KCNQ1: variants seen among roughly 807,000 people sequenced by gnomAD.
KCNQ1 encodes potassium voltage-gated channel subfamily KQT member 1.
A neutral mutation model predicts 72.4 loss-of-function variants in KCNQ1; 49 were observed. The ratio of observed to expected loss-of-function variants is 0.68; its 90% CI spans 0.54 to 0.86. The LOEUF (loss-of-function observed/expected upper bound fraction) is 0.86. Among genes scored for constraint, KCNQ1 ranks in the 40% least tolerant of loss-of-function variants. The pLI, the probability that KCNQ1 is intolerant of heterozygous loss-of-function variation, is 0.00. For missense variants in KCNQ1, 790 were observed against 945.1 expected (o/e 0.84, Z 2.15); for synonymous variants, 450 against 412.6 (o/e 1.09, Z -1.10).
intron 10 of KCNQ1, among the ~76,000 whole-genome samples, chr11:2,605,838 G>C (rs1848870640): frequency 6.6e-6 from 1 of 152,198 alleles, no homozygotes; most frequent in African/African-American, 2.4e-5. Context: ...GGTAAGGATT[G>C]TGTTGAGTTT....
chr11:2,761,516 G>A (rs1162091505), intron 11 of KCNQ1, among the ~76,000 whole-genome samples: 5 of 152,134 alleles, frequency 3.3e-5, no homozygotes, highest in South Asian at 4.1e-4. Flanking sequence ...ACCTGGGTCC[G>A]TGCACATAGG....
intron 2 of KCNQ1, among the ~76,000 whole-genome samples, chr11:2,551,419 G>A (rs1393348024): frequency 6.6e-6 from 1 of 152,186 alleles, no homozygotes; most frequent in Non-Finnish European, 1.5e-5. Flanking sequence ...GCCCATCCGT[G>A]TCATGGTCTC....
intron 11 of KCNQ1, among the ~76,000 whole-genome samples, chr11:2,763,308 A>G (rs972588071): frequency 6.6e-6 from 1 of 152,080 alleles, no homozygotes; most frequent in Admixed American, 6.6e-5. Flanking sequence ...TCACACCTGT[A>G]ATACCAACTA....
chr11:2,785,377 A>G lies in KCNQ1; in HGVS notation c.1794+7340A>G, dbSNP rs1406879476. Among the ~76,000 whole-genome samples, 2 of 151,272 alleles carry G rather than the reference A, an allele frequency of 1.3e-5. No homozygotes were observed. The highest frequency in any genetic ancestry group is 2.4e-5 in the African/African-American group (1 of 41,254). ...TATAATCCTTTTTATATGATGCTGGATTTGGTTTGCTAATATTTTGTTAAG... is the reference window on the plus strand; with the variant it reads ...TATAATCCTTTTTATATGATGCTGGGTTTGGTTTGCTAATATTTTGTTAAG... On this transcript the variant is annotated intron_variant, in intron 15 of 15. Transcript: ENST00000155840. This position sits in a 1 kb window ranked among gnomAD's most constrained non-coding sequence, Gnocchi z 4.4.
At chr11:2,542,735 A>G (rs1231930523) in intron 2 of KCNQ1, among the ~76,000 whole-genome samples, 1 of 152,192 alleles carries the variant, frequency 6.6e-6, no homozygotes, top group African/African-American at 2.4e-5. Context: ...GTCTGGTTCC[A>G]TATTTGAGAG....
Position 2,496,495 on chromosome 11 carries a change from C to CTTTTTTTT in KCNQ1, c.387-31415_387-31408dup. On this transcript the variant is annotated intron_variant, in intron 1 of 15. Transcript: ENST00000155840. The stretch of plus-strand genomic sequence containing the variant: ...AAAATGGCTAGGATCACAACCCCTG[C>CTTTTTTTT]TTTTTTTTTTTTTTTTTTTTTTTTT... 2.1e-3 allele frequency among the ~76,000 whole-genome samples: 63 copies of CTTTTTTTT among 29,828 alleles called. 4 individuals are homozygous for CTTTTTTTT. The highest frequency in any genetic ancestry group is 4.5e-3 in the African/African-American group (42 of 9,274). The allele number at this position is 29,828 out of a possible 152,430, so 19.6% of individuals were successfully genotyped here. A position where few individuals can be genotyped will look rare whatever the true frequency, so the allele number is the denominator to read the frequency against.
chr11:2,501,681 C>T (rs904459140), intron 1 of KCNQ1, among the ~76,000 whole-genome samples: 13 of 132,692 alleles, frequency 9.8e-5, no homozygotes, highest in East Asian at 4.4e-4. Context: ...CTACAAGGCC[C>T]GTATTACCCT....
At chr11:2,632,775 A>G (rs949781835) in intron 10 of KCNQ1, 5 of 398,318 alleles carry the variant, frequency 1.3e-5, no homozygotes, top group Non-Finnish European at 2.2e-5. Flanking sequence ...ATGACTGAAT[A>G]ATATTCCATT....
intron 11 of KCNQ1, among the ~76,000 whole-genome samples, chr11:2,747,736 G>T (rs552318087): frequency 6.6e-6 from 1 of 152,172 alleles, no homozygotes; most frequent in Admixed American, 6.5e-5. Context: ...AGAGAATGCC[G>T]GGAAAGGGAG....
chr11:2,636,890 A>G (rs928095279), intron 10 of KCNQ1: 5 of 152,154 alleles, frequency 3.3e-5, no homozygotes, highest in Non-Finnish European at 7.3e-5. Flanking sequence ...TCAGGGATTC[A>G]ACTTCTTCCT....
chr11:2,841,739 G>C (rs1848216771), intron 15 of KCNQ1, among the ~76,000 whole-genome samples: 1 of 152,198 alleles, frequency 6.6e-6, no homozygotes, highest in South Asian at 2.1e-4. Flanking sequence ...TGACGATCTT[G>C]AGATATTCCC....
At chr11:2,531,328 C>G (rs933908425) in intron 2 of KCNQ1, among the ~76,000 whole-genome samples, 15 of 152,154 alleles carry the variant, frequency 9.9e-5, no homozygotes, top group African/African-American at 3.6e-4. Flanking sequence ...ATGTGCCCGT[C>G]TGCAGCCCTA....
rs1279654057 is a variant in KCNQ1, at chr11:2,567,034, G to A, written c.478-3594G>A. Among the ~76,000 whole-genome samples, 3 of 151,644 alleles carry A rather than the reference G, an allele frequency of 2.0e-5. No homozygotes were observed. Among genetic ancestry groups the A allele is most frequent in the Non-Finnish European group, 2.9e-5 (2 of 67,850 alleles). ...CACAGGGTCCTGAGGAGGCAGGGGTGCCCCAGGGAATGGGGGGCACCTGGG... is the reference window on the plus strand; with the variant it reads ...CACAGGGTCCTGAGGAGGCAGGGGTACCCCAGGGAATGGGGGGCACCTGGG... On this transcript the variant is annotated intron_variant, in intron 2 of 15. Transcript: ENST00000155840. This position sits in a 1 kb window ranked among gnomAD's most constrained non-coding sequence, Gnocchi z 6.6.
chr11:2,776,206 C>A, intron 13 of KCNQ1, 152 bp downstream of exon 13: 1 of 690,716 alleles, frequency 1.4e-6, no homozygotes, highest in South Asian at 1.8e-5. Flanking sequence ...CCCAGCCCTG[C>A]AGAGGGAGGG....
chr11:2,677,536 T>C lies in KCNQ1; in HGVS notation c.1514+15455T>C, dbSNP rs1306807800. On this transcript the variant is annotated intron_variant, in intron 11 of 15. Coordinates refer to ENST00000155840, the MANE Select transcript of KCNQ1 (RefSeq NM_000218.3). This position sits in a 1 kb window ranked among gnomAD's most constrained non-coding sequence, Gnocchi z 4.5. ...AGTGCTGCCAACATCCTCTGCCAAG[T>C]ATAAAAGATGCCCTCAGATGTTACC... is the stretch of plus-strand genomic sequence containing the variant. 1.0e-5 allele frequency: 4 copies of C among 398,418 alleles called. No individual in the cohort carries two copies. The highest frequency in any genetic ancestry group is 1.3e-4 in the South Asian group (1 of 7,864). The allele number at this position is 398,418 out of a possible 1,614,324, so 24.7% of individuals were successfully genotyped here. A position where few individuals can be genotyped will look rare whatever the true frequency, so the allele number is the denominator to read the frequency against.
chr11:2,648,981 C>CTTTTTTCTTTTTTTTTTTTTTTTTTTTT (rs1849710956), intron 10 of KCNQ1: 2 of 213,304 alleles, frequency 9.4e-6, no homozygotes, highest in Admixed American at 9.7e-5. Flanking sequence ...TTTTCTTTTT[C>CTTTTTTCTTTTTTTTTTTTTTTTTTTTT]TTTTTTTTTT....
intron 8 of KCNQ1, among the ~76,000 whole-genome samples, chr11:2,585,710 C>T (rs1848583300): frequency 6.6e-6 from 1 of 152,208 alleles, no homozygotes; most frequent in Non-Finnish European, 1.5e-5. Context: ...GCAGTTGGTG[C>T]CTTCTGGAGG....
rs1408227207 is a variant in KCNQ1 at position 2,848,648 on chromosome 11, G to A, written c.*645G>A. 2.2e-6 allele frequency: 1 copy of A among 451,806 alleles called. No individual in the cohort carries two copies. The highest frequency in any genetic ancestry group is 2.4e-5 in the Admixed American group (1 of 42,528). The allele number at this position is 451,806 out of a possible 1,614,324, so 28.0% of individuals were successfully genotyped here. A position where few individuals can be genotyped will look rare whatever the true frequency, so the allele number is the denominator to read the frequency against. On this transcript the variant is annotated 3_prime_UTR_variant, in exon 16 of 16. Coordinates refer to ENST00000155840, the MANE Select transcript of KCNQ1 (RefSeq NM_000218.3). ...TTCCCCAGGGCACGTGGTTGAGTGG[G>A]GGGAACGCCCACTTCCCTGGGTTAG...
chr11:2,610,276 GTTTA>G lies in KCNQ1; in HGVS notation c.1393+21425_1393+21428del, dbSNP rs1848957885. 7.5e-6 allele frequency: 3 copies of G among 397,840 alleles called. No homozygotes were observed. In the South Asian group the frequency reaches 3.8e-4, roughly 51 times the overall value. The allele number at this position is 397,840 out of a possible 1,614,324, so 24.6% of individuals were successfully genotyped here. ...AGATACAGAAGTTATTCCTGTATGA[GTTTA>G]TTCAGTTTTACCACTTTTTGTGGTA... On this transcript the variant is annotated intron_variant, in intron 10 of 15. Coordinates refer to ENST00000155840, the MANE Select transcript of KCNQ1 (RefSeq NM_000218.3).
Sources: gnomAD v4.1 joint callset for allele counts (sites outside exome capture counted in the v4.1 genomes callset) on GRCh38, gnomAD v4.1.1 for gene constraint, Gnocchi (gnomAD v3.1) non-coding constraint, MANE v1.5 for transcripts, NCBI Gene and HGNC (gene_info 2026-07-23, HGNC 2026-07-21) for gene names.